SLC2A5: variants seen among roughly 807,000 people sequenced by gnomAD.
The protein encoded by SLC2A5 is solute carrier family 2 member 5.
A neutral mutation model predicts 50.3 loss-of-function variants in SLC2A5; 56 were observed. The observed-to-expected ratio is 1.11, with a 90% CI of 0.90 to 1.39. SLC2A5 has a LOEUF of 1.39. Among genes scored for constraint, SLC2A5 ranks in the 40% most tolerant of loss-of-function variants. The pLI is 0.00. For missense variants in SLC2A5, 566 were observed against 650.1 expected (o/e 0.87, Z 1.41); for synonymous variants, 269 against 281.9 (o/e 0.95, Z 0.46).
chr1:9,084,211 T>C (rs986042604), intron 2 of SLC2A5, among the ~76,000 whole-genome samples: 1 of 152,098 alleles, frequency 6.6e-6, no homozygotes, highest in Non-Finnish European at 1.5e-5. Flanking sequence ...GGGACATCCA[T>C]ATTTGGCATA....
intron 4 of SLC2A5, 96 bp downstream of exon 4, chr1:9,047,514 C>T (rs1290532498): frequency 9.0e-6 from 12 of 1,336,382 alleles, no homozygotes; most frequent in Non-Finnish European, 1.1e-5. Context: ...TTTCTACACG[C>T]TTCAGACATC....
intron 2 of SLC2A5, among the ~76,000 whole-genome samples, chr1:9,078,404 ACTCGGTCC>A (rs1642316302): frequency 6.6e-6 from 1 of 151,954 alleles, no homozygotes; most frequent in Non-Finnish European, 1.5e-5. Context: ...GCCTCACTTT[ACTCGGTCC>A]CTATTCAAGA....
intron 2 of SLC2A5, among the ~76,000 whole-genome samples, chr1:9,080,250 G>A (rs1339503140): frequency 6.6e-6 from 1 of 152,214 alleles, no homozygotes; most frequent in Non-Finnish European, 1.5e-5. Context: ...TTTGGCAATT[G>A]TGAGAAATGC....
intron 1 of SLC2A5, among the ~76,000 whole-genome samples, chr1:9,086,506 A>C (rs1465982572): frequency 6.6e-6 from 1 of 151,602 alleles, no homozygotes; most frequent in Non-Finnish European, 1.5e-5. Context: ...CTCCTACCTC[A>C]GCCTCCTGAG....
At chr1:9,042,593 C>CTGTGTG (rs534980545) in intron 4 of SLC2A5, among the ~76,000 whole-genome samples, 7 of 131,758 alleles carry the variant, frequency 5.3e-5, no homozygotes, top group Admixed American at 1.6e-4. Context: ...TATATGGCCT[C>CTGTGTG]TGTGTGTGTG....
intron 2 of SLC2A5, among the ~76,000 whole-genome samples, chr1:9,083,880 C>T (rs1034220606): frequency 2.6e-5 from 4 of 151,998 alleles, no homozygotes; most frequent in African/African-American, 9.7e-5. Context: ...CACGGTGGCT[C>T]ACGCCTGTAA....
In SLC2A5 at chr1:9,056,267, C is replaced by T. The variant is rs557785012; in HGVS notation, c.293+1181G>A. 2.6e-5 allele frequency among the ~76,000 whole-genome samples: 4 copies of T among 152,270 alleles called. No homozygotes were observed. The South Asian group carries it at 8.3e-4, about 32-fold the overall frequency. On this transcript the variant is annotated intron_variant, in intron 3 of 11. Transcript: ENST00000377424. ...ATGGTGCGATCTTAGCTCACGGCAA[C>T]CTCCGCTTCCCAGGCTCAAGCAATT... is the stretch of plus-strand genomic sequence containing the variant.
Position 9,057,292 on chromosome 1 carries a change from T to TA in SLC2A5, c.293+155dup, listed in dbSNP as rs760221358. On this transcript the variant is annotated intron_variant, in intron 3 of 11. Coordinates refer to ENST00000377424, the MANE Select transcript of SLC2A5 (RefSeq NM_003039.3). ...CAGAGCAAGACTCCATCTCAAAAATTAAAAAAAAAAAAAAAAAAAAAAAGA... is the reference window on the plus strand; with the variant it reads ...CAGAGCAAGACTCCATCTCAAAAATTAAAAAAAAAAAAAAAAAAAAAAAAGA... 9.6e-3 allele frequency among the ~76,000 whole-genome samples: 990 copies of TA among 103,122 alleles called. 3 individuals carry two copies. The highest frequency in any genetic ancestry group is 0.023 in the East Asian group (102 of 4,526). 67.7% of individuals were successfully genotyped at this position (103,122 alleles called of 152,430 possible).
chr1:9,049,178 A>T, intron 3 of SLC2A5: 1 of 456,306 alleles, frequency 2.2e-6, no homozygotes, highest in South Asian at 1.5e-5. Context: ...GAGGACCCTC[A>T]TGATGGACGA....
intron 1 of SLC2A5, among the ~76,000 whole-genome samples, chr1:9,062,741 A>G (rs561749943): frequency 6.6e-6 from 1 of 152,024 alleles, no homozygotes; most frequent in Non-Finnish European, 1.5e-5. Context: ...GCGTGGTGGC[A>G]TATGCCTGTA....
chr1:9,053,453 TTA>T (rs533217536), intron 3 of SLC2A5, among the ~76,000 whole-genome samples: 6 of 27,526 alleles, frequency 2.2e-4, no homozygotes, highest in South Asian at 1.6e-3. Flanking sequence ...TTATATATAT[TTA>T]TATATATTAT....
chr1:9,053,552 T>C, intron 3 of SLC2A5, among the ~76,000 whole-genome samples: 1 of 78,188 alleles, frequency 1.3e-5, no homozygotes, highest in African/African-American at 3.7e-5. Flanking sequence ...ATTATATATT[T>C]ATATATATTA....
At position 9,035,582 on chromosome 1, in the gene SLC2A5, C is replaced by T. The variant is rs1641119701; in HGVS notation, c.*2004G>A. Reference sequence around the variant, plus strand: ...ACCCATCTATGAGAAGACATCACTTCTTGCTACAGGCCATTCAGCACTTTC... The same window carrying T: ...ACCCATCTATGAGAAGACATCACTTTTTGCTACAGGCCATTCAGCACTTTC... On this transcript the variant is annotated 3_prime_UTR_variant, in exon 12 of 12. Coordinates refer to ENST00000377424, the MANE Select transcript of SLC2A5 (RefSeq NM_003039.3). 1 of 152,340 alleles carries T rather than the reference C, an allele frequency of 6.6e-6. No individual in the cohort carries two copies. The highest frequency in any genetic ancestry group is 2.1e-4 in the South Asian group (1 of 4,832). The allele number at this position is 152,340 out of a possible 1,614,324, so 9.4% of individuals were successfully genotyped here.
chr1:9,051,104 T>G (rs1422807919), intron 3 of SLC2A5, among the ~76,000 whole-genome samples: 1 of 152,032 alleles, frequency 6.6e-6, no homozygotes, highest in Non-Finnish European at 1.5e-5. Context: ...GTGGACATTT[T>G]AAGGTAGTAC....
chr1:9,060,154 C>CAT (rs1641886590), intron 1 of SLC2A5, among the ~76,000 whole-genome samples: 1 of 146,466 alleles, frequency 6.8e-6, no homozygotes, highest in South Asian at 2.2e-4. Context: ...ATACACACTA[C>CAT]ACACACTACA....
At chr1:9,070,194 C>T (rs1642186734), upstream of SLC2A5, among the ~76,000 whole-genome samples, 1 of 147,440 alleles carries the variant, frequency 6.8e-6, no homozygotes, top group Admixed American at 7.0e-5. Context: ...GATTCTCCTG[C>T]TTCCACCTCC....
chr1:9,039,057 T>G (rs1641219408), intron 8 of SLC2A5, 128 bp from the exon 9 acceptor site: 2 of 1,110,932 alleles, frequency 1.8e-6, no homozygotes, highest in Non-Finnish European at 2.5e-6. Context: ...CACACTCACA[T>G]TCACATGTGC....
intron 2 of SLC2A5, among the ~76,000 whole-genome samples, chr1:9,075,953 GC>G (rs1448574327): frequency 7.7e-6 from 1 of 129,138 alleles, no homozygotes; most frequent in East Asian, 2.6e-4. Flanking sequence ...GAGCCACCGC[GC>G]CCGGCATTTT....
chr1:9,086,084 A>G (rs1444220870), intron 1 of SLC2A5, among the ~76,000 whole-genome samples: 1 of 152,188 alleles, frequency 6.6e-6, no homozygotes, highest in Non-Finnish European at 1.5e-5. Flanking sequence ...GTTAATATGA[A>G]GTGGGACAGG....
Sources: gnomAD v4.1 joint callset for allele counts (sites outside exome capture counted in the v4.1 genomes callset) on GRCh38, gnomAD v4.1.1 for gene constraint, MANE v1.5 for transcripts, NCBI Gene and HGNC (gene_info 2026-07-23, HGNC 2026-07-21) for gene names.